Variants in AGAP1 observed in about 807,000 individuals in gnomAD.
The protein encoded by AGAP1 is arf-GAP with GTPase, ANK repeat and PH domain-containing protein 1.
A neutral mutation model predicts 105.3 loss-of-function variants in AGAP1; 29 were observed. The observed-to-expected ratio is 0.28, with a 90% confidence interval of 0.21 to 0.38. AGAP1 has a LOEUF of 0.38. AGAP1 is among the 10% of genes least tolerant of loss of function. The pLI is 1.00. For missense variants in AGAP1, 998 were observed against 1,165.1 expected (o/e 0.86, Z 2.09); for synonymous variants, 509 against 485.9 (o/e 1.05, Z -0.63).
At position 236,036,175 on chromosome 2, in the gene AGAP1, T is replaced by G. The variant is rs896932055; in HGVS notation, c.1646-386T>G. Among the ~76,000 whole-genome samples, 4 of 152,152 alleles carry G rather than the reference T, an allele frequency of 2.6e-5. No individual in the cohort carries two copies. The highest frequency in any genetic ancestry group is 9.7e-5 in the African/African-American group (4 of 41,432). On this transcript the variant is annotated intron_variant, in intron 13 of 17. Transcript: ENST00000304032. The surrounding 1 kb of genome is among the most constrained non-coding windows in gnomAD (Gnocchi z 5.7). ...TCTACGCGAGTGCTTAGATAGAAAT[T>G]AACCCTGCAGCCGGAGATTAGCGGC... is the stretch of plus-strand genomic sequence containing the variant.
intron 1 of AGAP1, among the ~76,000 whole-genome samples, chr2:235,511,527 C>T (rs992962242): frequency 2.6e-5 from 4 of 152,196 alleles, no homozygotes; most frequent in South Asian, 4.1e-4. Context: ...CCACCTAGCT[C>T]TTTATGACTA....
At chr2:235,648,775 T>A (rs537328833) in intron 1 of AGAP1, among the ~76,000 whole-genome samples, 1 of 149,962 alleles carries the variant, frequency 6.7e-6, no homozygotes, top group African/African-American at 2.4e-5. Context: ...TAGCCCCAGC[T>A]ACTCGGGAGG....
At chr2:235,809,943 C>T (rs984645909) in intron 9 of AGAP1, among the ~76,000 whole-genome samples, 1 of 152,174 alleles carries the variant, frequency 6.6e-6, no homozygotes, top group African/African-American at 2.4e-5. Context: ...GTTATGGTAG[C>T]TGTGTTCTCC....
rs58489076 is a variant in AGAP1 at position 235,578,800 on chromosome 2, A to AT, written c.163+83961dup. Among the ~76,000 whole-genome samples the AT allele has an allele frequency of 0.072, 10,062 of 139,644 alleles. 1,092 individuals carry two copies. The highest frequency in any genetic ancestry group is 0.27 in the East Asian group (1,319 of 4,820). 91.6% of individuals were successfully genotyped at this position (139,644 alleles called of 152,430 possible). A position where few individuals can be genotyped will look rare whatever the true frequency, so the allele number is the denominator to read the frequency against. The stretch of plus-strand genomic sequence containing the variant: ...ACTCAGTCTCAAAAAAAAAAAAAAA[A>AT]TTTTTTTTTTACAATAAGCTATTTA... On this transcript the variant is annotated intron_variant, in intron 1 of 17. Coordinates refer to ENST00000304032, the MANE Select transcript of AGAP1 (RefSeq NM_001037131.3). This position sits in a 1 kb window ranked among gnomAD's most constrained non-coding sequence, Gnocchi z 4.9.
chr2:236,094,439 C>T (rs1332338738), intron 16 of AGAP1, among the ~76,000 whole-genome samples: 2 of 151,594 alleles, frequency 1.3e-5, no homozygotes, highest in Non-Finnish European at 2.9e-5. Flanking sequence ...GCAACCTCCA[C>T]CTCCCGGGAT....
rs746877159 is a variant in AGAP1 at position 235,872,410 on chromosome 2, G to A, written c.1051-10935G>A. Among the ~76,000 whole-genome samples the A allele has an allele frequency of 2.4e-4, 36 of 152,194 alleles. 2 individuals are homozygous for A. Among genetic ancestry groups the A allele is most frequent in the Admixed American group, 7.9e-4 (12 of 15,278 alleles). On this transcript the variant is annotated intron_variant, in intron 9 of 17. Transcript: ENST00000304032. The surrounding 1 kb of genome is among the most constrained non-coding windows in gnomAD (Gnocchi z 4.5). ...ACATGTACAAAAGTGGCATCTGAAA[G>A]ATGGACAAAGTATGCATGGTGACAT... is the stretch of plus-strand genomic sequence containing the variant.
intron 1 of AGAP1, among the ~76,000 whole-genome samples, chr2:235,534,438 G>A (rs146750381): frequency 1.7e-3 from 261 of 152,188 alleles, no homozygotes; most frequent in African/African-American, 6.0e-3. Context: ...AAATACAGTG[G>A]CACCTGCATG....
chr2:236,050,567 A>C lies in AGAP1; in HGVS notation c.2114+1286A>C, dbSNP rs929520165. 6.6e-6 allele frequency among the ~76,000 whole-genome samples: 1 copy of C among 152,234 alleles called. No homozygotes were observed. Among genetic ancestry groups the C allele is most frequent in the Non-Finnish European group, 1.5e-5 (1 of 68,048 alleles). ...AAATCAGCTGGGTCATCAACTGTGA[A>C]CAAGCTTAAAAGATGAATTCATGTT... On this transcript the variant is annotated intron_variant, in intron 16 of 17. Coordinates refer to ENST00000304032, the MANE Select transcript of AGAP1 (RefSeq NM_001037131.3). The surrounding 1 kb of genome is among the most constrained non-coding windows in gnomAD (Gnocchi z 4.0).
In AGAP1 at chr2:235,557,405, C is replaced by T. The variant is rs1400609671; in HGVS notation, c.163+62556C>T. 2.0e-5 allele frequency among the ~76,000 whole-genome samples: 3 copies of T among 152,192 alleles called. No homozygotes were observed. Among genetic ancestry groups the T allele is most frequent in the African/African-American group, 7.2e-5 (3 of 41,518 alleles). The stretch of plus-strand genomic sequence containing the variant: ...TTGGGAAGGGAAATCACTCCGAAGA[C>T]GGTGATGCTGGGTACAGGCTCTGGA... On this transcript the variant is annotated intron_variant, in intron 1 of 17. Transcript: ENST00000304032. The surrounding 1 kb of genome is among the most constrained non-coding windows in gnomAD (Gnocchi z 4.7).
chr2:235,749,742 T>C (rs1953275079), intron 5 of AGAP1, among the ~76,000 whole-genome samples: 3 of 152,212 alleles, frequency 2.0e-5, no homozygotes, highest in Admixed American at 2.0e-4. Flanking sequence ...CTTCCCGGCA[T>C]CAGTTAACAG....
intron 1 of AGAP1, among the ~76,000 whole-genome samples, chr2:235,638,507 T>C (rs567148952): frequency 6.6e-6 from 1 of 152,344 alleles, no homozygotes; most frequent in Non-Finnish European, 1.5e-5. Flanking sequence ...GTTATTTCAC[T>C]TTATTAAGTT....
chr2:235,885,927 G>C (rs111988195), intron 10 of AGAP1, among the ~76,000 whole-genome samples: 2,467 of 152,266 alleles, frequency 0.016, 70 homozygotes, highest in African/African-American at 0.055. Context: ...TTTAGTTTTG[G>C]AATATAGTCA....
intron 6 of AGAP1, among the ~76,000 whole-genome samples, chr2:235,755,528 C>T (rs1953854814): frequency 6.6e-6 from 1 of 152,180 alleles, no homozygotes; most frequent in Admixed American, 6.5e-5. Flanking sequence ...ACAGCCTCTA[C>T]CTCCCGGGTT....
At chr2:235,907,305 GTTC>G (rs140733211) in intron 10 of AGAP1, among the ~76,000 whole-genome samples, 4,435 of 152,268 alleles carry the variant, frequency 0.029, 81 homozygotes, top group Middle Eastern at 0.071. Flanking sequence ...TTATTTGGCA[GTTC>G]TTCTAAAATT....
chr2:235,653,371 G>A (rs944846830), intron 1 of AGAP1, among the ~76,000 whole-genome samples: 8 of 152,242 alleles, frequency 5.3e-5, no homozygotes, highest in Non-Finnish European at 8.8e-5. Flanking sequence ...GGCTGAGGCA[G>A]GAGAATGGCA....
At chr2:236,099,913 G>T (rs927840079) in intron 16 of AGAP1, among the ~76,000 whole-genome samples, 1 of 152,038 alleles carries the variant, frequency 6.6e-6, no homozygotes, top group Non-Finnish European at 1.5e-5. Flanking sequence ...GGTGGCATGT[G>T]CCTGTAATCC....
Position 235,962,263 on chromosome 2 carries a change from G to A in AGAP1, c.1484-6199G>A, listed in dbSNP as rs1559699499. On this transcript the variant is annotated intron_variant, in intron 12 of 17. Coordinates refer to ENST00000304032, the MANE Select transcript of AGAP1 (RefSeq NM_001037131.3). The surrounding 1 kb of genome is among the most constrained non-coding windows in gnomAD (Gnocchi z 5.3). Reference sequence around the variant, plus strand: ...GGGGTACACTGACCACACAGAGGAGGCCGGTGTGCATGGCACCACCCTCTC... The same window carrying A: ...GGGGTACACTGACCACACAGAGGAGACCGGTGTGCATGGCACCACCCTCTC... Among the ~76,000 whole-genome samples, 2 of 152,058 alleles carry A rather than the reference G, an allele frequency of 1.3e-5. No homozygotes were observed. The highest frequency in any genetic ancestry group is 3.9e-4 in the East Asian group (2 of 5,160).
chr2:235,636,395 A>G (rs890508215), intron 1 of AGAP1, among the ~76,000 whole-genome samples: 4 of 152,154 alleles, frequency 2.6e-5, no homozygotes, highest in Admixed American at 1.3e-4. Context: ...GGATCACTGA[A>G]GTCAAATAAT....
intron 16 of AGAP1, among the ~76,000 whole-genome samples, chr2:236,057,849 A>T (rs1343273050): frequency 6.6e-6 from 1 of 152,182 alleles, no homozygotes; most frequent in African/African-American, 2.4e-5. Context: ...AATAATATTT[A>T]TGAAGTTTCC....
Sources: allele counts gnomAD v4.1 joint callset (sites outside exome capture counted in the v4.1 genomes callset), GRCh38; gene constraint gnomAD v4.1.1; non-coding constraint Gnocchi (gnomAD v3.1); transcripts MANE v1.5; gene names NCBI Gene and HGNC (gene_info 2026-07-23, HGNC 2026-07-21).